The following VWF variants were observed in gnomAD, a reference collection of about 807,000 sequenced individuals.
VWF encodes the protein von Willebrand factor.
In VWF, 176 loss-of-function variants were observed where a neutral mutation model predicts 308.6. That is an observed-to-expected ratio of 0.57 (90% CI 0.50 to 0.65). The LOEUF (loss-of-function observed/expected upper bound fraction) is 0.65, where lower values mean the gene tolerates loss of function less well. Among genes scored for constraint, VWF ranks in the 30% least tolerant of loss-of-function variants. The pLI is 0.00. For synonymous variants in VWF, 1,385 were observed against 1,443.4 expected, an observed-to-expected ratio of 0.96 and a Z score of 0.92; for missense variants, 3,146 against 3,648.2, an observed-to-expected ratio of 0.86 and a Z score of 3.55.
intron 45 of VWF, 94 bp from the exon 46 acceptor site, chr12:5,968,261 T>C (rs1943428161): frequency 2.7e-6 from 4 of 1,495,558 alleles, no homozygotes; most frequent in Admixed American, 3.5e-5. Flanking sequence ...CTCCTCCGTG[T>C]CTGGGCCTCC....
At position 5,949,780 on chromosome 12, in the gene VWF, C is replaced by T. The variant is rs1271773474; in HGVS notation, c.8253+6G>A. On this transcript the variant is annotated splice_donor_region_variant and intron_variant, in intron 51 of 51. Coordinates refer to ENST00000261405, the MANE Select transcript of VWF (RefSeq NM_000552.5). ...CACCCAGCCCTTATTGAAGCAGAGC[C>T]CTTACCTGGCAGTAGTGGATATCCA... The T allele has an allele frequency of 6.2e-7, 1 of 1,614,080 alleles. No homozygotes were observed.
chr12:6,064,225 A>G (rs776974283), intron 12 of VWF, 21 bp downstream of exon 12: 29 of 1,613,938 alleles, frequency 1.8e-5, no homozygotes, highest in Non-Finnish European at 2.5e-5. Flanking sequence ...CCCAGGCCTG[A>G]TGGAGCAGGA....
At chr12:5,950,192 A>C (rs2136337219) in intron 50 of VWF, among the ~76,000 whole-genome samples, 1 of 152,316 alleles carries the variant, frequency 6.6e-6, no homozygotes, top group East Asian at 1.9e-4. Context: ...TGTAGACTCT[A>C]AAAACCACAT....
At chr12:6,057,751 GC>G (rs1944603845) in intron 14 of VWF, 97 bp downstream of exon 14, 17 of 1,393,574 alleles carry the variant, frequency 1.2e-5, no homozygotes, top group Non-Finnish European at 1.6e-5. Context: ...CCCCGCCCCC[GC>G]CCTCCGCGGT....
chr12:6,092,636 T>TGAGAGAGAGAGAGAGAGAGAGAGA (rs1945060337), intron 6 of VWF, among the ~76,000 whole-genome samples: 2 of 75,996 alleles, frequency 2.6e-5, no homozygotes, highest in African/African-American at 2.3e-4. Context: ...TGTGTGTGTG[T>TGAGAGAGAGAGAGAGAGAGAGAGA]GTGTGTGTGT....
Position 6,060,314 on chromosome 12 carries a change from C to A in VWF, c.1534-2270G>T, listed in dbSNP as rs1001423931. Among the ~76,000 whole-genome samples, 1 of 152,152 alleles carries A rather than the reference C, an allele frequency of 6.6e-6. No individual in the cohort carries two copies. The highest frequency in any genetic ancestry group is 2.4e-5 in the African/African-American group (1 of 41,444). On this transcript the variant is annotated intron_variant, in intron 13 of 51. Transcript: ENST00000261405. This position sits in a 1 kb window ranked among gnomAD's most constrained non-coding sequence, Gnocchi z 5.1. ...GGATGTGATTTCTGCTGGCTGGAGCCTTGCTGCCTGGACCGCCAGCCCCAC... is the reference window on the plus strand; with the variant it reads ...GGATGTGATTTCTGCTGGCTGGAGCATTGCTGCCTGGACCGCCAGCCCCAC...
chr12:6,042,434 C>G (rs1044836302), intron 18 of VWF, among the ~76,000 whole-genome samples: 1 of 152,158 alleles, frequency 6.6e-6, no homozygotes, highest in Non-Finnish European at 1.5e-5. Flanking sequence ...GTGTTATGGC[C>G]AAGAACACGT....
intron 3 of VWF, among the ~76,000 whole-genome samples, chr12:6,119,743 G>A (rs921733132): frequency 1.3e-5 from 2 of 152,198 alleles, no homozygotes; most frequent in African/African-American, 4.8e-5. Context: ...TTGGGAGGCT[G>A]AGGCAGGAGA....
intron 16 of VWF, 79 bp downstream of exon 16, chr12:6,052,464 A>G: frequency 6.2e-7 from 1 of 1,605,850 alleles, no homozygotes; most frequent in South Asian, 1.1e-5. Flanking sequence ...CCCATCCATG[A>G]AGTAAAGGAC....
At chr12:6,031,923 A>G (rs1233152296) in intron 20 of VWF, among the ~76,000 whole-genome samples, 1 of 152,126 alleles carries the variant, frequency 6.6e-6, no homozygotes, top group Non-Finnish European at 1.5e-5. Flanking sequence ...GTCCCACTGG[A>G]GCCTTGCCTA....
At chr12:6,085,772 C>T (rs917369111) in intron 6 of VWF, among the ~76,000 whole-genome samples, 34 of 152,170 alleles carry the variant, frequency 2.2e-4, no homozygotes, top group African/African-American at 7.7e-4. Flanking sequence ...GGACAAACAC[C>T]TAATGCATGT....
At chr12:5,998,993 G>C (rs1003360091) in intron 34 of VWF, among the ~76,000 whole-genome samples, 1 of 152,164 alleles carries the variant, frequency 6.6e-6, no homozygotes, top group Admixed American at 6.5e-5. Context: ...AAAGTGCTGG[G>C]ATTACAGGCG....
At position 6,022,049 on chromosome 12, in the gene VWF, C is replaced by T; in HGVS notation, c.3539-14G>A. ...CCAGGATTTTCCCTGCAAAAGAAAG[C>T]TCTCATTAGGAACCAAAACGCTCCC... On this transcript the variant is annotated splice_polypyrimidine_tract_variant and intron_variant, in intron 26 of 51. Coordinates refer to ENST00000261405, the MANE Select transcript of VWF (RefSeq NM_000552.5). The T allele has an allele frequency of 1.9e-6, 3 of 1,614,098 alleles. No individual in the cohort carries two copies. The highest frequency in any genetic ancestry group is 2.5e-6 in the Non-Finnish European group (3 of 1,180,012).
chr12:6,004,934 A>C (rs1367183869), intron 34 of VWF, among the ~76,000 whole-genome samples: 1 of 152,208 alleles, frequency 6.6e-6, no homozygotes, highest in Non-Finnish European at 1.5e-5. Flanking sequence ...AGCTTGAATA[A>C]GTGGACAAAC....
At chr12:5,960,264 T>C (rs1943298747) in intron 47 of VWF, among the ~76,000 whole-genome samples, 1 of 151,856 alleles carries the variant, frequency 6.6e-6, no homozygotes, top group African/African-American at 2.4e-5. Context: ...TTTGACCAAC[T>C]TAAATACACG....
At chr12:5,979,913 C>T (rs550511737) in intron 42 of VWF, among the ~76,000 whole-genome samples, 36 of 149,296 alleles carry the variant, frequency 2.4e-4, no homozygotes, top group African/African-American at 7.4e-4. Context: ...TGGTGGCGGG[C>T]GCCTGTAGTC....
rs779764302 is a variant in VWF at position 5,993,981 on chromosome 12, T to C, written c.6479A>G (p.Tyr2160Cys). The C allele has an allele frequency of 6.8e-6, 11 of 1,614,130 alleles. No homozygotes were observed. Among genetic ancestry groups the C allele is most frequent in the African/African-American group, 4.0e-5 (3 of 75,028 alleles). Residue 2160 changes from tyrosine to cysteine, a missense_variant, in exon 37 of 52, where the codon TAT becomes TGT. By Grantham distance (194) the Tyr-to-Cys change is radical (BLOSUM62 -2). Around this residue, in one of 3 missense-constraint regions of VWF, gnomAD observed 989 missense variants for 1,117.4 expected, o/e 0.89. Transcript: ENST00000261405. ...GCAACTGTCCTGCTGGCAGATGGCATAGAATGTGGCTGGAGCCAGGACCTT... is the reference window on the plus strand; with the variant it reads ...GCAACTGTCCTGCTGGCAGATGGCACAGAATGTGGCTGGAGCCAGGACCTT... ...CHKVLAPATF[Y>C]AICQQDSCHQ...
intron 45 of VWF, 109 bp downstream of exon 45, chr12:5,969,102 A>G (rs1943438815): frequency 7.8e-7 from 1 of 1,284,316 alleles, no homozygotes; most frequent in Non-Finnish European, 1.1e-6. Context: ...TTTCGGTCCT[A>G]TCCATTTCCC....
intron 47 of VWF, among the ~76,000 whole-genome samples, chr12:5,965,950 A>C (rs1943396831): frequency 6.6e-6 from 1 of 152,210 alleles, no homozygotes; most frequent in Admixed American, 6.5e-5. Flanking sequence ...ACACAGGCCA[A>C]ATGGGGCCAT....
Sources: allele counts gnomAD v4.1 joint callset (sites outside exome capture counted in the v4.1 genomes callset), GRCh38; gene constraint gnomAD v4.1.1; regional missense constraint gnomAD v4.1.1; non-coding constraint Gnocchi (gnomAD v3.1); transcripts MANE v1.5; gene names NCBI Gene and HGNC (gene_info 2026-07-23, HGNC 2026-07-21).